TRANK1: variants seen among roughly 807,000 people sequenced by gnomAD.
TRANK1 encodes the protein tetratricopeptide repeat and ankyrin repeat containing 1, also known as TPR and ankyrin repeat-containing protein 1.
TRANK1 carries 198 observed loss-of-function variants against 266.0 expected under a neutral mutation model. That is an observed-to-expected ratio of 0.74 (90% CI 0.66 to 0.84). The LOEUF (loss-of-function observed/expected upper bound fraction) is 0.84, where lower values mean the gene tolerates loss of function less well. TRANK1 is among the 40% of genes least tolerant of loss of function. The pLI is 0.00. For synonymous variants in TRANK1, 1,396 were observed against 1,384.1 expected (o/e 1.01, Z -0.19); for missense variants, 3,326 against 3,634.6 (o/e 0.92, Z 2.18).
intron 17 of TRANK1, 109 bp from the exon 18 acceptor site, chr3:36,842,819 A>G: frequency 1.0e-6 from 1 of 972,726 alleles, no homozygotes. Flanking sequence ...TTCACTTGTT[A>G]AAGTCCTAAC....
chr3:36,913,566 G>A (rs892877070), intron 1 of TRANK1, among the ~76,000 whole-genome samples: 2 of 151,862 alleles, frequency 1.3e-5, no homozygotes, highest in Non-Finnish European at 1.5e-5. Context: ...CAGGAAGGGT[G>A]CCACAGACAG....
intron 8 of TRANK1, among the ~76,000 whole-genome samples, chr3:36,888,821 C>T (rs762405461): frequency 6.6e-6 from 1 of 152,136 alleles, no homozygotes; most frequent in African/African-American, 2.4e-5. Flanking sequence ...CTTTGGGAGG[C>T]CGAGGCAGGT....
intron 8 of TRANK1, among the ~76,000 whole-genome samples, chr3:36,878,826 T>C (rs2079430137): frequency 6.6e-6 from 1 of 151,586 alleles, no homozygotes; most frequent in Admixed American, 6.6e-5. Context: ...GAAATCTTTT[T>C]AAATGCCCAT....
intron 8 of TRANK1, among the ~76,000 whole-genome samples, chr3:36,887,113 A>G (rs2079618932): frequency 6.6e-6 from 1 of 152,026 alleles, no homozygotes; most frequent in African/African-American, 2.4e-5. Flanking sequence ...TAAATCAAAG[A>G]GTCAGACAGG....
intron 9 of TRANK1, among the ~76,000 whole-genome samples, chr3:36,869,706 A>G (rs1363557913): frequency 6.6e-6 from 1 of 152,240 alleles, no homozygotes; most frequent in Non-Finnish European, 1.5e-5. Context: ...ACCTTCTGGG[A>G]GCTAAAGTCT....
In TRANK1 at chr3:36,846,165, C is replaced by G; in HGVS notation, c.5191+83G>C. On this transcript the variant is annotated intron_variant, in intron 17 of 23. Coordinates refer to ENST00000645898, the MANE Select transcript of TRANK1 (RefSeq NM_001329998.2). Reference sequence around the variant, plus strand: ...AAGAAAGAAAGCACTTTCAAAATACCACACCTTTTATTCCTGACCATAAGA... The same window carrying G: ...AAGAAAGAAAGCACTTTCAAAATACGACACCTTTTATTCCTGACCATAAGA... 2.3e-6 allele frequency: 3 copies of G among 1,328,778 alleles called. No homozygotes were observed. In the South Asian group the frequency reaches 4.9e-5, roughly 22 times the overall value. The allele number at this position is 1,328,778 out of a possible 1,614,324, so 82.3% of individuals were successfully genotyped here.
rs766301841 is a variant in TRANK1 at position 36,857,790 on chromosome 3, G to A, written c.1932C>T (p.Ala644=). 1.9e-6 allele frequency: 3 copies of A among 1,613,898 alleles called. No homozygotes were observed. The highest frequency in any genetic ancestry group is 1.7e-6 in the Non-Finnish European group (2 of 1,179,910). The part of the protein sequence containing the change: ...RIKKNDSLLL[A]WNKALMENRR... Reference sequence around the variant, plus strand: ...TGTTCTCCATCAGAGCTTTGTTCCAGGCCAAGAGCAGAGAGTCGTTCTTCT... The same window carrying A: ...TGTTCTCCATCAGAGCTTTGTTCCAAGCCAAGAGCAGAGAGTCGTTCTTCT... The change falls in exon 13 of 24, where the codon GCC becomes GCT. Residue 644 remains alanine (A), a synonymous_variant. Transcript: ENST00000645898. The surrounding 1 kb of genome is among the most constrained non-coding windows in gnomAD (Gnocchi z 4.3).
At chr3:36,848,357 G>C (rs2125531052) in intron 15 of TRANK1, among the ~76,000 whole-genome samples, 2 of 152,236 alleles carry the variant, frequency 1.3e-5, no homozygotes, top group South Asian at 4.2e-4. Context: ...TTGGCCAACA[G>C]GCTGTAGTTT....
At chr3:36,942,558 T>A (rs1428089021) in intron 1 of TRANK1, among the ~76,000 whole-genome samples, 1 of 148,540 alleles carries the variant, frequency 6.7e-6, no homozygotes, top group East Asian at 2.0e-4. Context: ...CAGGCCCCAC[T>A]GGGATCCATG....
intron 2 of TRANK1, among the ~76,000 whole-genome samples, chr3:36,905,874 A>C (rs2079960195): frequency 6.6e-6 from 1 of 152,152 alleles, no homozygotes. Flanking sequence ...AATCACATGC[A>C]CCTGAGTCTC....
chr3:36,868,442 C>G (rs2079259376), intron 9 of TRANK1, among the ~76,000 whole-genome samples: 1 of 152,098 alleles, frequency 6.6e-6, no homozygotes. Flanking sequence ...CAACCATAGT[C>G]AGAAGTAATA....
At chr3:36,943,414 T>C (rs1408570209) in intron 1 of TRANK1, among the ~76,000 whole-genome samples, 2 of 151,730 alleles carry the variant, frequency 1.3e-5, no homozygotes, top group Non-Finnish European at 2.9e-5. Flanking sequence ...AACCCATACA[T>C]AGGCCAGTGG....
chr3:36,895,137 A>G (rs1179825762), intron 5 of TRANK1, among the ~76,000 whole-genome samples: 2 of 152,196 alleles, frequency 1.3e-5, no homozygotes, highest in Non-Finnish European at 2.9e-5. Context: ...TCAAGGACAC[A>G]TCTGTGTGAC....
Position 36,945,023 on chromosome 3 carries a change from G to A in TRANK1, c.-214C>T, listed in dbSNP as rs2080554399. ...GGGCGGGGGACGCAGGAACCCCGGC[G>A]TCCGGGCGGTGTGCAGCCGCAGACC... On this transcript the variant is annotated 5_prime_UTR_variant, in exon 1 of 24. It adds an upstream start codon to the 5' untranslated region. Transcript: ENST00000645898. 1.3e-5 allele frequency: 6 copies of A among 476,144 alleles called. No individual in the cohort carries two copies. The highest frequency in any genetic ancestry group is 3.6e-5 in the East Asian group (1 of 27,514). 29.5% of individuals were successfully genotyped at this position (476,144 alleles called of 1,614,324 possible). A position where few individuals can be genotyped will look rare whatever the true frequency, so the allele number is the denominator to read the frequency against.
chr3:36,913,915 T>C (rs1179428570), intron 1 of TRANK1, among the ~76,000 whole-genome samples: 1 of 152,072 alleles, frequency 6.6e-6, no homozygotes, highest in Non-Finnish European at 1.5e-5. Flanking sequence ...CCTTCGCCCA[T>C]CAACTTTAAG....
At chr3:36,914,315 G>A (rs552743536) in intron 1 of TRANK1, among the ~76,000 whole-genome samples, 1 of 151,954 alleles carries the variant, frequency 6.6e-6, no homozygotes, top group Admixed American at 6.6e-5. Context: ...TGTATTTTTA[G>A]TAGAGACAGG....
intron 14 of TRANK1, 61 bp from the exon 15 acceptor site, chr3:36,851,917 T>C: frequency 1.3e-6 from 2 of 1,515,478 alleles, no homozygotes; most frequent in South Asian, 2.6e-5. Context: ...CCTCAGTCTA[T>C]TTCTATGGGA....
At chr3:36,931,462 T>TG (rs1341101704) in intron 1 of TRANK1, among the ~76,000 whole-genome samples, 5 of 152,330 alleles carry the variant, frequency 3.3e-5, no homozygotes, top group African/African-American at 1.2e-4. Flanking sequence ...CCCAGCACTC[T>TG]GGGGAACCAA....
In TRANK1 at chr3:36,874,015, T is replaced by C. The variant is rs1457504086; in HGVS notation, c.1078+111A>G. On this transcript the variant is annotated intron_variant, in intron 9 of 23. Transcript: ENST00000645898. ...AAGATTGGTAGGTCTCACTTCCATA[T>C]ATATATGTGTGTGTATATATATATA... 6.5e-6 allele frequency: 6 copies of C among 926,692 alleles called. No individual in the cohort carries two copies. The African/African-American group carries it at 8.6e-5, about 13-fold the overall frequency. 57.4% of individuals were successfully genotyped at this position (926,692 alleles called of 1,614,324 possible). A position where few individuals can be genotyped will look rare whatever the true frequency, so the allele number is the denominator to read the frequency against.
Sources: gnomAD v4.1 joint callset for allele counts (sites outside exome capture counted in the v4.1 genomes callset) on GRCh38, gnomAD v4.1.1 for gene constraint, Gnocchi (gnomAD v3.1) non-coding constraint, MANE v1.5 for transcripts, NCBI Gene and HGNC (gene_info 2026-07-23, HGNC 2026-07-21) for gene names.